Variants in PLEKHS1 observed in about 807,000 individuals in gnomAD.
PLEKHS1 encodes the protein pleckstrin homology domain-containing family S member 1.
Under a neutral mutation model 51.0 loss-of-function variants are expected in PLEKHS1, and 55 were observed. The observed-to-expected ratio is 1.08, with a 90% CI of 0.87 to 1.35. The LOEUF (loss-of-function observed/expected upper bound fraction) is 1.35, where lower values mean the gene tolerates loss of function less well. Ranked by LOEUF, PLEKHS1 falls within the 40% of genes most tolerant of loss-of-function variation. The probability of loss-of-function intolerance (pLI) is 0.00; values close to 1 mark genes in which losing one functional copy is unlikely to be tolerated. For synonymous variants in PLEKHS1, 153 were observed against 144.8 expected (o/e 1.06, Z -0.41); for missense variants, 398 against 423.0 (o/e 0.94, Z 0.52).
At chr10:113,753,366 A>AT (rs1853939731) in intron 1 of PLEKHS1, among the ~76,000 whole-genome samples, 1 of 152,182 alleles carries the variant, frequency 6.6e-6, no homozygotes, top group Non-Finnish European at 1.5e-5. Flanking sequence ...TTTTTTAAAT[A>AT]TTATCCATGC....
intron 11 of PLEKHS1, among the ~76,000 whole-genome samples, chr10:113,778,514 T>C (rs185692387): frequency 1.3e-3 from 196 of 152,324 alleles, no homozygotes; most frequent in Middle Eastern, 6.8e-3. Context: ...ATAATCCCAT[T>C]GGTCACACAA....
intron 2 of PLEKHS1, among the ~76,000 whole-genome samples, 183 bp from the exon 3 acceptor site, chr10:113,766,228 C>T (rs974082726): frequency 1.7e-4 from 26 of 152,180 alleles, no homozygotes; most frequent in South Asian, 2.1e-4. Flanking sequence ...ATGAAGGTCT[C>T]GGCTGTGGAG....
intron 1 of PLEKHS1, among the ~76,000 whole-genome samples, chr10:113,754,134 T>C (rs1853985309): frequency 6.6e-6 from 1 of 152,130 alleles, no homozygotes. Flanking sequence ...TTCATCTCTG[T>C]ATATGCATAT....
chr10:113,780,617 A>C, exon 12 of PLEKHS1: 1 of 1,613,768 alleles, frequency 6.2e-7, no homozygotes, highest in East Asian at 2.2e-5. Context: ...AAAGCTTACC[A>C]TCGGCAGGAT....
intron 7 of PLEKHS1, among the ~76,000 whole-genome samples, chr10:113,770,890 G>A (rs1422951621): frequency 6.6e-6 from 1 of 152,144 alleles, no homozygotes; most frequent in Non-Finnish European, 1.5e-5. Context: ...TTGCTGGGTG[G>A]TGTTGTTGTT....
chr10:113,755,291 C>T, exon 2 of PLEKHS1: 1 of 1,608,234 alleles, frequency 6.2e-7, no homozygotes, highest in Non-Finnish European at 8.5e-7. Context: ...GAACCCAAAC[C>T]TCAGAAGAGT....
At chr10:113,777,094 C>T in intron 11 of PLEKHS1, 30 bp from the exon 12 acceptor site, 1 of 1,609,850 alleles carries the variant, frequency 6.2e-7, no homozygotes, top group South Asian at 1.1e-5. Flanking sequence ...GAGCCTCACA[C>T]TGGTATTGGA....
intron 8 of PLEKHS1, among the ~76,000 whole-genome samples, chr10:113,772,526 A>G (rs539312085): frequency 6.6e-6 from 1 of 152,216 alleles, no homozygotes; most frequent in South Asian, 2.1e-4. Context: ...GATCAGTAGG[A>G]AGCCCTTACT....
intron 11 of PLEKHS1, 40 bp downstream of exon 12, chr10:113,777,299 A>G: frequency 3.1e-6 from 5 of 1,609,848 alleles, no homozygotes; most frequent in Non-Finnish European, 4.2e-6. Context: ...GCAAATCAGT[A>G]CCAGAAGGAA....
chr10:113,772,520 A>C (rs1376067690), intron 8 of PLEKHS1, among the ~76,000 whole-genome samples: 1 of 152,170 alleles, frequency 6.6e-6, no homozygotes, highest in African/African-American at 2.4e-5. Context: ...TCTATTGATC[A>C]GTAGGAAGCC....
intron 2 of PLEKHS1, among the ~76,000 whole-genome samples, chr10:113,766,012 C>G (rs945488478): frequency 2.0e-5 from 3 of 152,198 alleles, no homozygotes; most frequent in African/African-American, 7.2e-5. Context: ...TGTCCCCCTT[C>G]CCCAGATAGT....
chr10:113,780,837 GC>G (rs1299869565), exon 12 of PLEKHS1: 23 of 1,448,644 alleles, frequency 1.6e-5, no homozygotes, highest in Non-Finnish European at 1.8e-5. Context: ...GTCCAGCTCT[GC>G]CCCCTGCTGC....
chr10:113,774,066 C>T (rs557157549), intron 8 of PLEKHS1, among the ~76,000 whole-genome samples, 161 bp from the exon 9 acceptor site: 19 of 152,274 alleles, frequency 1.2e-4, no homozygotes, highest in African/African-American at 4.1e-4. Context: ...GGTTCAGTCT[C>T]GCGGAGGTAA....
intron 11 of PLEKHS1, among the ~76,000 whole-genome samples, chr10:113,778,590 G>A (rs1844767444): frequency 6.6e-6 from 1 of 151,026 alleles, no homozygotes; most frequent in African/African-American, 2.4e-5. Context: ...TGAATGAGTT[G>A]TCTAAGATAT....
At chr10:113,766,779 A>T in intron 4 of PLEKHS1, 61 bp downstream of exon 4, 1 of 1,266,148 alleles carries the variant, frequency 7.9e-7, no homozygotes, top group Non-Finnish European at 1.1e-6. Flanking sequence ...AACAGTAACA[A>T]GTTGCATGCA....
At chr10:113,765,176 C>T (rs1035246639) in intron 2 of PLEKHS1, 1 of 464,150 alleles carries the variant, frequency 2.2e-6, no homozygotes, top group Non-Finnish European at 3.9e-6. Context: ...CTTTGTATTC[C>T]TATGAATCTT....
Position 113,774,817 on chromosome 10 carries a change from A to G in PLEKHS1, c.780-9A>G. On this transcript the variant is annotated splice_polypyrimidine_tract_variant and intron_variant, in intron 9 of 11. Coordinates refer to ENST00000361048, the Ensembl canonical transcript of PLEKHS1. Reference sequence around the variant, plus strand: ...AAAATAGGGCTTGTTTTAACTTCTTATGCTCTAGTTTTTTCAAAGAGACAT... The same window carrying G: ...AAAATAGGGCTTGTTTTAACTTCTTGTGCTCTAGTTTTTTCAAAGAGACAT... 6.2e-7 allele frequency: 1 copy of G among 1,611,210 alleles called. No individual in the cohort carries two copies. The highest frequency in any genetic ancestry group is 1.1e-5 in the South Asian group (1 of 90,956).
At chr10:113,769,197 A>G (rs1844292419) in intron 6 of PLEKHS1, among the ~76,000 whole-genome samples, 1 of 152,254 alleles carries the variant, frequency 6.6e-6, no homozygotes, top group Non-Finnish European at 1.5e-5. Flanking sequence ...TTCAAGGTGC[A>G]TGACAAGCTC....
intron 5 of PLEKHS1, 62 bp downstream of exon 5, chr10:113,767,541 C>A (rs949884595): frequency 8.0e-6 from 12 of 1,490,704 alleles, no homozygotes; most frequent in Non-Finnish European, 9.9e-6. Flanking sequence ...AACCAAAAAA[C>A]AAAACATTTT....
Sources: allele counts gnomAD v4.1 joint callset (sites outside exome capture counted in the v4.1 genomes callset), GRCh38; gene constraint gnomAD v4.1.1; transcripts MANE v1.5; gene names NCBI Gene and HGNC (gene_info 2026-07-23, HGNC 2026-07-21).